CCDC39: variants seen among roughly 807,000 people sequenced by gnomAD.
The protein encoded by CCDC39 is coiled-coil domain-containing protein 39.
A neutral mutation model predicts 121.0 loss-of-function variants in CCDC39; 113 were observed. The ratio of observed to expected loss-of-function variants is 0.93; its 90% confidence interval spans 0.80 to 1.09. The LOEUF (loss-of-function observed/expected upper bound fraction) is 1.09. CCDC39 is among the 50% of genes least tolerant of loss of function. CCDC39 has a pLI of 0.00. For synonymous variants in CCDC39, 349 were observed against 352.2 expected (o/e 0.99, Z 0.10); for missense variants, 1,063 against 1,074.7 (o/e 0.99, Z 0.15).
chr3:180,675,144 G>T (rs1406212557), intron 1 of CCDC39, among the ~76,000 whole-genome samples: 4 of 152,088 alleles, frequency 2.6e-5, no homozygotes, highest in African/African-American at 9.7e-5. Flanking sequence ...ATTAATTATT[G>T]CCTCAATTTC....
intron 1 of CCDC39, among the ~76,000 whole-genome samples, chr3:180,677,168 T>TA (rs1712247237): frequency 9.1e-4 from 32 of 35,174 alleles, no homozygotes; most frequent in African/African-American, 1.4e-3. Flanking sequence ...AATAATAATT[T>TA]TATATATATA....
At chr3:180,633,818 A>C (rs971291017) in intron 13 of CCDC39, among the ~76,000 whole-genome samples, 1 of 152,138 alleles carries the variant, frequency 6.6e-6, no homozygotes, top group Non-Finnish European at 1.5e-5. Flanking sequence ...CTTCCCTGGG[A>C]ACCCCTATCC....
At chr3:180,669,835 G>A (rs79612183) in intron 1 of CCDC39, among the ~76,000 whole-genome samples, 3,900 of 152,188 alleles carry the variant, frequency 0.026, 83 homozygotes, top group Non-Finnish European at 0.042. Flanking sequence ...TTTTAAAAAT[G>A]TACACGTCAC....
chr3:180,631,706 G>A, intron 13 of CCDC39, 114 bp from the exon 14 acceptor site: 1 of 824,052 alleles, frequency 1.2e-6, no homozygotes, highest in African/African-American at 1.7e-5. Context: ...AACTCAAACA[G>A]GTTAAATTTG....
chr3:180,675,432 C>T (rs886118045), intron 1 of CCDC39, among the ~76,000 whole-genome samples: 19 of 152,236 alleles, frequency 1.2e-4, no homozygotes, highest in African/African-American at 4.6e-4. Flanking sequence ...AAAAAACCAG[C>T]TCCTGGATTC....
chr3:180,677,205 TATATATATATA>T (rs1712257696), intron 1 of CCDC39, among the ~76,000 whole-genome samples: 1 of 97,110 alleles, frequency 1.0e-5, no homozygotes, highest in African/African-American at 3.9e-5. Context: ...TATATATATA[TATATATATATA>T]AAATCACAGT....
chr3:180,661,798 G>A (rs1357429621), intron 3 of CCDC39, 63 bp downstream of exon 3: 11 of 1,424,258 alleles, frequency 7.7e-6, no homozygotes, highest in Non-Finnish European at 1.0e-5. Context: ...AAAAGTCAAT[G>A]CTCATTTGGT....
intron 14 of CCDC39, among the ~76,000 whole-genome samples, chr3:180,625,057 G>T (rs750223876): frequency 9.9e-5 from 15 of 151,886 alleles, no homozygotes; most frequent in Admixed American, 3.3e-4. Flanking sequence ...CTTGTGTCTC[G>T]GCGTCTAACT....
At position 180,619,867 on chromosome 3, in the gene CCDC39, A is replaced by C. The variant is rs980451572; in HGVS notation, c.2102T>G (p.Val701Gly). The change falls in exon 15 of 20, where the codon GTG (valine) becomes GGG (glycine). Residue 701 changes from valine (V) to glycine (G), a missense_variant. Transcript: ENST00000476379. ...ATAATTGTTGTTACAGCTGTTCAGC[A>C]CTTGAAGGGTATTTTCTAGAGCGTA... Reference protein sequence around the residue: ...EIYALENTLQVLNSCNNNYKQ... With the variant: ...EIYALENTLQGLNSCNNNYKQ... 35 of 1,609,664 alleles carry C rather than the reference A, an allele frequency of 2.2e-5. No individual in the cohort carries two copies. Among genetic ancestry groups the C allele is most frequent in the Non-Finnish European group, 2.6e-5 (31 of 1,178,240 alleles).
chr3:180,642,031 T>C lies in CCDC39; in HGVS notation c.1836A>G (p.Ser612=), dbSNP rs760929360. 3 of 1,604,164 alleles carry C rather than the reference T, an allele frequency of 1.9e-6. No individual in the cohort carries two copies. The East Asian group carries it at 6.7e-5, about 36-fold the overall frequency. Residue 612 remains serine (S), a synonymous_variant, in exon 13 of 20, where the codon TCA becomes TCG. Coordinates refer to ENST00000476379, the MANE Select transcript of CCDC39 (RefSeq NM_181426.2). Reference sequence around the variant, plus strand: ...GTTCTTGATCAACATATCTTATTTGTGACGCAAGCATTGTTTTATGAACCT... The same window carrying C: ...GTTCTTGATCAACATATCTTATTTGCGACGCAAGCATTGTTTTATGAACCT... ...EIKVHKTMLA[S]QIRYVDQERE...
rs775659100 is a variant in CCDC39 at position 180,654,876 on chromosome 3, C to A, written c.816G>T (p.Glu272Asp). Residue 272 changes from glutamate (E) to aspartate (D), a missense_variant, in exon 7 of 20, where the codon GAG becomes GAT. Coordinates refer to ENST00000476379, the MANE Select transcript of CCDC39 (RefSeq NM_181426.2). ...TCTCAAACTCTGTGTTATTCCCAAT[C>A]TCACTTTCCAAAAACTTGATCTTTT... The part of the protein sequence containing the change: ...VKEKIKFLES[E>D]IGNNTEFEKR... 47 of 1,596,820 alleles carry A rather than the reference C, an allele frequency of 2.9e-5. No individual in the cohort carries two copies. Among genetic ancestry groups the A allele is most frequent in the Non-Finnish European group, 4.0e-5 (47 of 1,173,976 alleles).
intron 14 of CCDC39, among the ~76,000 whole-genome samples, chr3:180,626,883 A>C (rs1320003426): frequency 6.6e-6 from 1 of 152,240 alleles, no homozygotes; most frequent in Non-Finnish European, 1.5e-5. Flanking sequence ...TTCAAGGCAC[A>C]GCCCAGCGTT....
intron 3 of CCDC39, 146 bp downstream of exon 3, chr3:180,661,715 G>A (rs1319203340): frequency 1.6e-6 from 1 of 642,002 alleles, no homozygotes; most frequent in African/African-American, 1.9e-5. Context: ...AGCTCCATGT[G>A]CCTTTCACTG....
intron 13 of CCDC39, among the ~76,000 whole-genome samples, chr3:180,637,995 T>C (rs1576940066): frequency 6.6e-6 from 1 of 152,042 alleles, no homozygotes; most frequent in Non-Finnish European, 1.5e-5. Flanking sequence ...AGTAGCTGGG[T>C]AATGAAATAA....
In CCDC39 at chr3:180,663,968, C is replaced by T. The variant is rs1470630029; in HGVS notation, c.109G>A (p.Glu37Lys). 25 of 1,611,622 alleles carry T rather than the reference C, an allele frequency of 1.6e-5. No individual in the cohort carries two copies. Among genetic ancestry groups the T allele is most frequent in the Middle Eastern group, 1.6e-4 (1 of 6,070 alleles). The change falls in exon 2 of 20, where the codon GAA becomes AAA. Residue 37 changes from glutamate to lysine, a missense_variant. Coordinates refer to ENST00000476379, the MANE Select transcript of CCDC39 (RefSeq NM_181426.2). ...LEDQLSKLKDERASLQDELRE... is the reference protein window; with the variant it reads ...LEDQLSKLKDKRASLQDELRE... ...AACTCATCTTGCAAGCTTGCTCTTT[C>T]ATCCTTCAGCTTTGACAACTGTAAA...
At chr3:180,663,754 A>T in intron 2 of CCDC39, 113 bp downstream of exon 2, 1 of 987,936 alleles carries the variant, frequency 1.0e-6, no homozygotes, top group African/African-American at 1.6e-5. Flanking sequence ...TGTTCACAAT[A>T]GTTTAATTAT....
intron 9 of CCDC39, among the ~76,000 whole-genome samples, 154 bp from the exon 10 acceptor site, chr3:180,648,513 C>T (rs1387904500): frequency 2.6e-5 from 4 of 152,156 alleles, no homozygotes; most frequent in Non-Finnish European, 4.4e-5. Flanking sequence ...TAACAAGTCC[C>T]CAGCATTTCT....
chr3:180,661,417 C>T (rs543385680), intron 3 of CCDC39, among the ~76,000 whole-genome samples: 1 of 152,016 alleles, frequency 6.6e-6, no homozygotes, highest in South Asian at 2.1e-4. Flanking sequence ...GCTCCCAAAT[C>T]AAGTAACTAT....
Position 180,679,291 on chromosome 3 carries a change from C to T in CCDC39, c.90G>A (p.Gln30=). The T allele has an allele frequency of 6.2e-7, 1 of 1,613,396 alleles. No individual in the cohort carries two copies. The highest frequency in any genetic ancestry group is 8.5e-7 in the Non-Finnish European group (1 of 1,179,370). Reference sequence around the variant, plus strand: ...TCCCGCCTGCTTCAATTGATCTCACCTGATCTTCCAGTAGCTTGTTCTCCT... The same window carrying T: ...TCCCGCCTGCTTCAATTGATCTCACTTGATCTTCCAGTAGCTTGTTCTCCT... ...ANEENKLLED[Q]LSKLKDERAS... is the part of the protein sequence containing the mutation. Residue 30 remains glutamine, a splice_region_variant and synonymous_variant, in exon 1 of 20, where the codon CAG becomes CAA. Coordinates refer to ENST00000476379, the MANE Select transcript of CCDC39 (RefSeq NM_181426.2). The surrounding 1 kb of genome is among the most constrained non-coding windows in gnomAD (Gnocchi z 4.0).
Sources: gnomAD v4.1 joint callset for allele counts (sites outside exome capture counted in the v4.1 genomes callset) on GRCh38, gnomAD v4.1.1 for gene constraint, Gnocchi (gnomAD v3.1) non-coding constraint, MANE v1.5 for transcripts, NCBI Gene and HGNC (gene_info 2026-07-23, HGNC 2026-07-21) for gene names.